Variants in PRKCA observed in about 807,000 individuals in gnomAD.
The protein encoded by PRKCA is protein kinase C alpha type.
In PRKCA, 27 loss-of-function variants were observed where a neutral mutation model predicts 87.0. The ratio of observed to expected loss-of-function variants is 0.31; its 90% confidence interval spans 0.23 to 0.43. The LOEUF is 0.43. Ranked by LOEUF, PRKCA falls within the 20% of genes least tolerant of loss-of-function variation. PRKCA has a pLI of 1.00. For synonymous variants in PRKCA, 329 were observed against 311.1 expected, an observed-to-expected ratio of 1.06 and a Z score of -0.61; for missense variants, 518 against 852.3, an observed-to-expected ratio of 0.61 and a Z score of 4.88.
chr17:66,413,584 G>A (rs6504428), intron 2 of PRKCA, among the ~76,000 whole-genome samples: 127,220 of 152,130 alleles, frequency 0.84, 53,655 homozygotes, highest in South Asian at 0.94. Context: ...CCCACCAAGT[G>A]TCGCCTCATT....
intron 2 of PRKCA, among the ~76,000 whole-genome samples, chr17:66,373,816 G>A (rs1228801706): frequency 1.3e-5 from 2 of 152,160 alleles, no homozygotes; most frequent in Non-Finnish European, 2.9e-5. Context: ...CTCTGCGTTT[G>A]TAACATCTTC....
At chr17:66,334,907 A>G (rs1438049694) in intron 2 of PRKCA, among the ~76,000 whole-genome samples, 2 of 152,220 alleles carry the variant, frequency 1.3e-5, no homozygotes, top group Non-Finnish European at 2.9e-5. Flanking sequence ...ATAGAGTGGA[A>G]TATTATTGAG....
intron 3 of PRKCA, among the ~76,000 whole-genome samples, chr17:66,508,287 CA>C (rs1416236607): frequency 6.6e-6 from 1 of 152,222 alleles, no homozygotes; most frequent in Non-Finnish European, 1.5e-5. Flanking sequence ...TATAATCTAG[CA>C]CATTCCAAAA....
chr17:66,416,648 G>A (rs996040452), intron 2 of PRKCA: 12 of 152,212 alleles, frequency 7.9e-5, no homozygotes, highest in Admixed American at 3.9e-4. Context: ...GTTATCCCTA[G>A]TTTAGAGATA....
At chr17:66,476,688 G>T (rs1006214251) in intron 2 of PRKCA, among the ~76,000 whole-genome samples, 6 of 151,696 alleles carry the variant, frequency 4.0e-5, no homozygotes, top group African/African-American at 1.5e-4. Context: ...TGAGGCTCAG[G>T]CTTGCCTGTT....
intron 2 of PRKCA, chr17:66,416,638 G>A (rs1912169030): frequency 6.6e-6 from 1 of 152,178 alleles, no homozygotes; most frequent in African/African-American, 2.4e-5. Flanking sequence ...GGGTGCTGTT[G>A]TTATCCCTAG....
At chr17:66,698,003 G>C (rs1352452220) in intron 8 of PRKCA, among the ~76,000 whole-genome samples, 1 of 152,172 alleles carries the variant, frequency 6.6e-6, no homozygotes, top group Non-Finnish European at 1.5e-5. Context: ...TCAAGAATTA[G>C]CCCTCAAGAG....
chr17:66,476,647 C>T (rs1387423367), intron 2 of PRKCA, among the ~76,000 whole-genome samples: 3 of 152,152 alleles, frequency 2.0e-5, no homozygotes, highest in Admixed American at 6.6e-5. Flanking sequence ...GAAACTTCTC[C>T]CCTCACTGGC....
chr17:66,306,211 C>G (rs929357882), intron 2 of PRKCA, 84 bp downstream of exon 2: 1 of 1,378,882 alleles, frequency 7.3e-7, no homozygotes, highest in Non-Finnish European at 1.0e-6. Flanking sequence ...GTCATATTTT[C>G]TTTCCAATAA....
intron 2 of PRKCA, among the ~76,000 whole-genome samples, chr17:66,466,499 G>A (rs1198415074): frequency 6.6e-6 from 1 of 152,168 alleles, no homozygotes; most frequent in Non-Finnish European, 1.5e-5. Flanking sequence ...TGAGCAACAA[G>A]TGACTTTCTC....
chr17:66,624,869 A>G (rs928790359), intron 3 of PRKCA, among the ~76,000 whole-genome samples: 2 of 152,126 alleles, frequency 1.3e-5, no homozygotes, highest in African/African-American at 4.8e-5. Flanking sequence ...AAAAAATTAT[A>G]AATGAATTAA....
intron 2 of PRKCA, chr17:66,364,035 G>A (rs1908552036): frequency 6.5e-6 from 1 of 152,708 alleles, no homozygotes; most frequent in African/African-American, 2.4e-5. Context: ...TATAGCCAAG[G>A]GCAGTGGTGT....
In PRKCA at chr17:66,785,340, C is replaced by T. The variant is rs111369474; in HGVS notation, c.1606-1527C>T. On this transcript the variant is annotated intron_variant, in intron 14 of 16. Coordinates refer to ENST00000413366, the MANE Select transcript of PRKCA (RefSeq NM_002737.3). ...AAGAAGGGCATCCTTCTGACTACTG[C>T]GAAGTTACCTGTGATCGAGGATTCA... Among the ~76,000 whole-genome samples, 257 of 152,282 alleles carry T rather than the reference C, an allele frequency of 1.7e-3. 3 individuals are homozygous for T. The highest frequency in any genetic ancestry group is 5.7e-3 in the African/African-American group (236 of 41,542).
chr17:66,606,323 G>A (rs1767779688), intron 3 of PRKCA, among the ~76,000 whole-genome samples: 1 of 152,212 alleles, frequency 6.6e-6, no homozygotes, highest in South Asian at 2.1e-4. Context: ...GTGAAGCAGA[G>A]ATTGCATGCA....
chr17:66,685,563 C>T (rs1297011383), intron 5 of PRKCA, among the ~76,000 whole-genome samples: 3 of 152,158 alleles, frequency 2.0e-5, no homozygotes, highest in Non-Finnish European at 4.4e-5. Context: ...CCATCTGTTA[C>T]CTACCTATGT....
intron 2 of PRKCA, 156 bp downstream of exon 2, chr17:66,306,283 T>C (rs1904809688): frequency 1.5e-6 from 1 of 679,872 alleles, no homozygotes; most frequent in Non-Finnish European, 2.4e-6. Flanking sequence ...TAAAAAATAA[T>C]TGGGGCCTAC....
chr17:66,656,736 T>A (rs1325404936), intron 5 of PRKCA, among the ~76,000 whole-genome samples: 2 of 152,226 alleles, frequency 1.3e-5, no homozygotes, highest in Non-Finnish European at 2.9e-5. Flanking sequence ...GGTGGAAAAC[T>A]TGAAGTGTTT....
In PRKCA at chr17:66,704,644, A is replaced by G. The variant is rs898358869; in HGVS notation, c.918+15597A>G. On this transcript the variant is annotated intron_variant, in intron 8 of 16. Coordinates refer to ENST00000413366, the MANE Select transcript of PRKCA (RefSeq NM_002737.3). ...TTGAATGAGCTGTTTTGTGAGGATT[A>G]TAAGTCCAGATACTACAGGAAGTAT... 3.9e-5 allele frequency among the ~76,000 whole-genome samples: 6 copies of G among 152,350 alleles called. No individual in the cohort carries two copies. The East Asian group carries it at 7.7e-4, about 20-fold the overall frequency.
chr17:66,639,726 G>A (rs1971240025), intron 3 of PRKCA, among the ~76,000 whole-genome samples: 1 of 152,102 alleles, frequency 6.6e-6, no homozygotes, highest in Non-Finnish European at 1.5e-5. Flanking sequence ...GCTGGGCGCG[G>A]TGGCGCATGC....
Sources: gnomAD v4.1 joint callset for allele counts (sites outside exome capture counted in the v4.1 genomes callset) on GRCh38, gnomAD v4.1.1 for gene constraint, MANE v1.5 for transcripts, NCBI Gene and HGNC (gene_info 2026-07-23, HGNC 2026-07-21) for gene names.